TLN2: variants seen among roughly 807,000 people sequenced by gnomAD.
TLN2 encodes the protein talin 2.
A neutral mutation model predicts 294.7 loss-of-function variants in TLN2; 118 were observed. The ratio of observed to expected loss-of-function variants is 0.40; its 90% CI spans 0.34 to 0.47. The LOEUF (loss-of-function observed/expected upper bound fraction) is 0.47, where lower values mean the gene tolerates loss of function less well. Among genes scored for constraint, TLN2 ranks in the 20% least tolerant of loss-of-function variants. TLN2 has a pLI of 0.84. For missense variants in TLN2, 3,083 were observed against 3,282.2 expected (o/e 0.94, Z 1.48); for synonymous variants, 1,431 against 1,304.5 (o/e 1.10, Z -2.09).
intron 9 of TLN2, among the ~76,000 whole-genome samples, chr15:62,668,123 A>C (rs75124327): frequency 4.0e-4 from 61 of 152,308 alleles, no homozygotes; most frequent in African/African-American, 1.4e-3. Flanking sequence ...CTAGAGGCCT[A>C]ATGTTCCTTA....
intron 1 of TLN2, among the ~76,000 whole-genome samples, chr15:62,538,891 A>G (rs1419860523): frequency 6.6e-6 from 1 of 152,230 alleles, no homozygotes; most frequent in African/African-American, 2.4e-5. Flanking sequence ...CTTTGGAGAG[A>G]GGGTAAGTGC....
In TLN2 at chr15:62,776,916, C is replaced by A; in HGVS notation, c.5514+6C>A. On this transcript the variant is annotated splice_donor_region_variant and intron_variant, in intron 43 of 58. Transcript: ENST00000636159. Reference sequence around the variant, plus strand: ...TTGCAGAAGCCATGAGCAAGGTGGGCATGGGCTCTAGGGCTCTCTACTCCC... The same window carrying A: ...TTGCAGAAGCCATGAGCAAGGTGGGAATGGGCTCTAGGGCTCTCTACTCCC... 1 of 1,559,712 alleles carries A rather than the reference C, an allele frequency of 6.4e-7. No individual in the cohort carries two copies. Among genetic ancestry groups the A allele is most frequent in the Non-Finnish European group, 8.7e-7 (1 of 1,151,092 alleles).
At chr15:62,588,185 T>G (rs2045781285) in intron 1 of TLN2, among the ~76,000 whole-genome samples, 1 of 151,904 alleles carries the variant, frequency 6.6e-6, no homozygotes, top group Non-Finnish European at 1.5e-5. Context: ...CGGCCTAAAA[T>G]TACATATTTT....
intron 1 of TLN2, among the ~76,000 whole-genome samples, chr15:62,495,011 G>T (rs150669779): frequency 6.6e-6 from 1 of 152,326 alleles, no homozygotes; most frequent in Non-Finnish European, 1.5e-5. Context: ...ACGATGTGGA[G>T]CTGGAAGACC....
chr15:62,626,779 C>T (rs2049325197), intron 3 of TLN2, among the ~76,000 whole-genome samples: 1 of 152,158 alleles, frequency 6.6e-6, no homozygotes, highest in Non-Finnish European at 1.5e-5. Context: ...TGGGAGGCTA[C>T]AAAAGTAAGC....
At chr15:62,629,159 C>T (rs2049552247) in intron 3 of TLN2, among the ~76,000 whole-genome samples, 1 of 152,206 alleles carries the variant, frequency 6.6e-6, no homozygotes, top group Non-Finnish European at 1.5e-5. Context: ...CGCCACCACA[C>T]TCCAGCCTGG....
At chr15:62,610,189 A>G (rs1349271320) in intron 2 of TLN2, among the ~76,000 whole-genome samples, 1 of 152,174 alleles carries the variant, frequency 6.6e-6, no homozygotes, top group Non-Finnish European at 1.5e-5. Flanking sequence ...ATCCTAGACT[A>G]CCTCAGTGGA....
At chr15:62,606,140 G>A (rs372062000) in intron 2 of TLN2, among the ~76,000 whole-genome samples, 6 of 152,078 alleles carry the variant, frequency 3.9e-5, no homozygotes, top group African/African-American at 1.4e-4. Context: ...GGAGTGCAGT[G>A]GTGTAATCTC....
chr15:62,783,905 G>C lies in TLN2; in HGVS notation c.5736+15G>C. On this transcript the variant is annotated intron_variant, in intron 45 of 58. Coordinates refer to ENST00000636159, the MANE Select transcript of TLN2 (RefSeq NM_015059.3). The stretch of plus-strand genomic sequence containing the variant: ...AACCAGAGGAGGTCTGCCACCTTAA[G>C]ACCCCTATTTTAAGATGCACACACA... 1 of 1,613,500 alleles carries C rather than the reference G, an allele frequency of 6.2e-7. No individual in the cohort carries two copies. Among genetic ancestry groups the C allele is most frequent in the South Asian group, 1.1e-5 (1 of 91,080 alleles).
chr15:62,720,061 A>G (rs546519856), intron 25 of TLN2, among the ~76,000 whole-genome samples, 181 bp downstream of exon 25: 5 of 152,392 alleles, frequency 3.3e-5, no homozygotes, highest in Non-Finnish European at 7.3e-5. Context: ...TGGCAAAGCA[A>G]AATGCTGATA....
chr15:62,647,350 A>G lies in TLN2; in HGVS notation c.40A>G (p.Asn14Asp). ...LSLKICVRHC[N>D]VVKTMQFEPS... ...CTTAAAGATTTGTGTGCGCCACTGCAACGTGGTGAAGACCATGCAGTTTGA... is the reference window on the plus strand; with the variant it reads ...CTTAAAGATTTGTGTGCGCCACTGCGACGTGGTGAAGACCATGCAGTTTGA... The change falls in exon 4 of 59, where the codon AAC becomes GAC. Residue 14 changes from asparagine (N) to aspartate (D), a missense_variant. Physicochemically the swap from Asn to Asp is conservative, Grantham distance 23. Coordinates refer to ENST00000636159, the MANE Select transcript of TLN2 (RefSeq NM_015059.3). 4 of 1,614,194 alleles carry G rather than the reference A, an allele frequency of 2.5e-6. No homozygotes were observed. Among genetic ancestry groups the G allele is most frequent in the Non-Finnish European group, 2.5e-6 (3 of 1,180,024 alleles).
At chr15:62,698,126 C>A (rs1383616041) in intron 15 of TLN2, among the ~76,000 whole-genome samples, 1 of 152,200 alleles carries the variant, frequency 6.6e-6, no homozygotes, top group Non-Finnish European at 1.5e-5. Context: ...GCTCCCGTGT[C>A]CTGGCAGCAT....
chr15:62,624,043 A>G (rs939374126), intron 3 of TLN2, among the ~76,000 whole-genome samples: 3 of 152,198 alleles, frequency 2.0e-5, no homozygotes, highest in Admixed American at 6.5e-5. Context: ...AGGGGATCCA[A>G]TACCTCACAT....
rs145576126 is a variant in TLN2 at position 62,560,374 on chromosome 15, A to G, written c.-237-29313A>G. Among the ~76,000 whole-genome samples the G allele has an allele frequency of 9.3e-3, 1,417 of 152,196 alleles. 23 individuals carry two copies. Among genetic ancestry groups the G allele is most frequent in the African/African-American group, 0.033 (1,350 of 41,520 alleles). On this transcript the variant is annotated intron_variant, in intron 1 of 58. Transcript: ENST00000636159. ...TGCTGCCTCAGCCTCCCAAGTGGCA[A>G]TGACCCAGGCTGGGGTGGAGTCTTG...
chr15:62,647,581 C>T (rs1482127697), intron 4 of TLN2, 135 bp downstream of exon 4: 1 of 1,190,724 alleles, frequency 8.4e-7, no homozygotes, highest in Non-Finnish European at 1.2e-6. Context: ...CTTCTTAGAT[C>T]AGACACTACC....
chr15:62,636,249 A>AATAGATAG (rs57713976), intron 3 of TLN2, among the ~76,000 whole-genome samples: 7,108 of 150,076 alleles, frequency 0.047, 213 homozygotes, highest in East Asian at 0.17. Flanking sequence ...GGGATACTGT[A>AATAGATAG]ATAGATAGAT....
intron 1 of TLN2, among the ~76,000 whole-genome samples, chr15:62,512,910 T>C (rs1233373689): frequency 1.3e-5 from 2 of 152,204 alleles, no homozygotes; most frequent in Non-Finnish European, 2.9e-5. Context: ...AAAACTGAAC[T>C]CTAGTCTTAA....
At chr15:62,483,196 G>A (rs996185180) in intron 1 of TLN2, among the ~76,000 whole-genome samples, 3 of 152,122 alleles carry the variant, frequency 2.0e-5, no homozygotes, top group African/African-American at 4.8e-5. Context: ...ATTTCTTCAC[G>A]GCAGAGTCAC....
At chr15:62,628,377 T>A (rs1188979055) in intron 3 of TLN2, among the ~76,000 whole-genome samples, 1 of 152,228 alleles carries the variant, frequency 6.6e-6, no homozygotes, top group Non-Finnish European at 1.5e-5. Flanking sequence ...AACCCCAATT[T>A]ACACAATGCA....
Sources: allele counts gnomAD v4.1 joint callset (sites outside exome capture counted in the v4.1 genomes callset), GRCh38; gene constraint gnomAD v4.1.1; transcripts MANE v1.5; gene names NCBI Gene and HGNC (gene_info 2026-07-23, HGNC 2026-07-21).